The following MORN1 variants were observed in gnomAD, a reference collection of about 807,000 sequenced individuals.
The protein encoded by MORN1 is MORN repeat containing 1, also known as MORN repeat-containing protein 1.
A neutral mutation model predicts 61.9 loss-of-function variants in MORN1; 67 were observed. The observed-to-expected ratio is 1.08, with a 90% CI of 0.89 to 1.33. The LOEUF is 1.33. MORN1 is among the 40% of genes most tolerant of loss of function. The probability of loss-of-function intolerance (pLI) is 0.00; values close to 1 mark genes in which losing one functional copy is unlikely to be tolerated. For missense variants in MORN1, 752 were observed against 691.2 expected, an observed-to-expected ratio of 1.09 and a Z score of -0.99; for synonymous variants, 301 against 292.0, an observed-to-expected ratio of 1.03 and a Z score of -0.31.
intron 10 of MORN1, among the ~76,000 whole-genome samples, chr1:2,354,862 C>G (rs1641725750): frequency 6.6e-6 from 1 of 152,228 alleles, no homozygotes; most frequent in South Asian, 2.1e-4. Context: ...CAGAGCTCGG[C>G]ACCCAACTCC....
Position 2,357,600 on chromosome 1 carries a change from T to C in MORN1, c.870-2A>G, listed in dbSNP as rs562086493. 3 of 1,583,770 alleles carry C rather than the reference T, an allele frequency of 1.9e-6. No homozygotes were observed. In the East Asian group the frequency reaches 6.8e-5, roughly 36 times the overall value. On this transcript the variant is annotated splice_acceptor_variant, in intron 9 of 13. Transcript: ENST00000378531. LOFTEE classifies it high-confidence loss of function. This position sits in a 1 kb window ranked among gnomAD's most constrained non-coding sequence, Gnocchi z 6.3. ...GGATAAGGGATGCATTCGAACCCAC[T>C]GCAAAGGAATGGGGGCAGCTTGGCT...
chr1:2,384,477 G>A (rs1181521693), intron 6 of MORN1, among the ~76,000 whole-genome samples: 3 of 152,232 alleles, frequency 2.0e-5, no homozygotes, highest in African/African-American at 7.2e-5. Flanking sequence ...AGAAACTGCA[G>A]ACACAGGAGA....
chr1:2,355,712 G>A (rs763267706), intron 10 of MORN1, among the ~76,000 whole-genome samples: 28 of 152,236 alleles, frequency 1.8e-4, no homozygotes, highest in Non-Finnish European at 3.8e-4. Context: ...GCTGCAGACA[G>A]TGACCAGGAG....
Position 2,390,008 on chromosome 1 carries a change from G to C in MORN1, c.77-12C>G. ...GTAGACACCATAACCTGAGTATTGA[G>C]AAGACACACACAGGTAAGCACAGAC... On this transcript the variant is annotated splice_polypyrimidine_tract_variant and intron_variant, in intron 1 of 13. Coordinates refer to ENST00000378531, the MANE Select transcript of MORN1 (RefSeq NM_024848.3). 1.2e-6 allele frequency: 2 copies of C among 1,608,210 alleles called. No homozygotes were observed. Among genetic ancestry groups the C allele is most frequent in the Non-Finnish European group, 1.7e-6 (2 of 1,174,702 alleles).
intron 10 of MORN1, among the ~76,000 whole-genome samples, chr1:2,344,798 T>C (rs975238152): frequency 6.6e-6 from 1 of 152,222 alleles, no homozygotes; most frequent in Non-Finnish European, 1.5e-5. Flanking sequence ...AAGCTGGCCA[T>C]GGAGGACCTT....
intron 10 of MORN1, among the ~76,000 whole-genome samples, chr1:2,338,382 T>C (rs1294448869): frequency 6.6e-6 from 1 of 152,210 alleles, no homozygotes; most frequent in East Asian, 1.9e-4. Flanking sequence ...GGCTGGGAGC[T>C]GCACTGCTGA....
At position 2,358,639 on chromosome 1, in the gene MORN1, A is replaced by G; in HGVS notation, c.822T>C (p.Phe274=). ...CTTGGTTGTCTCTGTCCACTTTGAA[A>G]AAGTTGACCTCAGAGTAGGCTGACA... ...VQLSAYSEVN[F]FKVDRDNQET... The change falls in exon 9 of 14, where the codon TTT becomes TTC. Residue 274 remains phenylalanine (F), a synonymous_variant. Coordinates refer to ENST00000378531, the MANE Select transcript of MORN1 (RefSeq NM_024848.3). 6.2e-7 allele frequency: 1 copy of G among 1,614,080 alleles called. No individual in the cohort carries two copies. The highest frequency in any genetic ancestry group is 8.5e-7 in the Non-Finnish European group (1 of 1,180,000).
intron 8 of MORN1, among the ~76,000 whole-genome samples, chr1:2,360,118 C>A (rs1305550253): frequency 6.6e-6 from 1 of 152,172 alleles, no homozygotes; most frequent in Non-Finnish European, 1.5e-5. Context: ...ACGCCCTGCA[C>A]CCCTGGCACT....
chr1:2,321,603 C>T, intron 13 of MORN1, 24 bp from the exon 14 acceptor site: 2 of 1,457,782 alleles, frequency 1.4e-6, no homozygotes, highest in Middle Eastern at 2.0e-4. Context: ...GTGGGCTGGT[C>T]CTCAGCAGGC....
chr1:2,333,894 T>G (rs1199120395), intron 12 of MORN1, among the ~76,000 whole-genome samples: 1 of 146,210 alleles, frequency 6.8e-6, no homozygotes. Context: ...CAGAGCCAGG[T>G]TGGCTGCTGG....
intron 8 of MORN1, among the ~76,000 whole-genome samples, chr1:2,365,876 G>A (rs1435344384): frequency 6.8e-6 from 1 of 147,454 alleles, no homozygotes; most frequent in Non-Finnish European, 1.5e-5. Context: ...TACACTGTTG[G>A]TGGGACTGTA....
chr1:2,343,356 T>TGGGCCCTGTGACAGAGCCGCC (rs1283950994), intron 10 of MORN1, among the ~76,000 whole-genome samples: 3 of 152,138 alleles, frequency 2.0e-5, no homozygotes, highest in Admixed American at 6.5e-5. Context: ...CCAGAGCCGC[T>TGGGCCCTGTGACAGAGCCGCC]GGGCCCTGTG....
chr1:2,327,659 A>G (rs927928935), intron 12 of MORN1, among the ~76,000 whole-genome samples: 2 of 152,246 alleles, frequency 1.3e-5, no homozygotes, highest in Admixed American at 1.3e-4. Flanking sequence ...TTTTAGAAGC[A>G]CAGACAGGAG....
intron 12 of MORN1, among the ~76,000 whole-genome samples, chr1:2,325,115 TTCCTTCCC>T: frequency 1.2e-5 from 1 of 83,292 alleles, no homozygotes; most frequent in Admixed American, 1.2e-4. Context: ...TTTCCTTCCC[TTCCTTCCC>T]TTCCTTCCTT....
chr1:2,322,354 G>A, intron 13 of MORN1: 1 of 985,468 alleles, frequency 1.0e-6, no homozygotes, highest in South Asian at 4.7e-5. Context: ...TGCGGCCGCA[G>A]CTGAAATGGG....
Position 2,321,422 on chromosome 1 carries a change from G to T in MORN1, c.1455C>A (p.Ala485=). The change falls in exon 14 of 14, where the codon GCC becomes GCA. Residue 485 remains alanine, a synonymous_variant. Transcript: ENST00000378531. The stretch of plus-strand genomic sequence containing the variant: ...GCGGCTCTGGGGTGCAGCTGTGGGC[G>T]GCCTGCCAGCTGCTTGAGGCTTCAG... The part of the protein sequence containing the change: ...EGPEASSSWQ[A]AHSCTPEPPA... The T allele has an allele frequency of 6.5e-7, 1 of 1,539,668 alleles. No homozygotes were observed.
intron 8 of MORN1, among the ~76,000 whole-genome samples, chr1:2,360,962 G>T (rs1378486166): frequency 6.6e-6 from 1 of 152,150 alleles, no homozygotes; most frequent in Non-Finnish European, 1.5e-5. Context: ...GACCCAAGAG[G>T]ATTAAACTGT....
intron 10 of MORN1, chr1:2,355,127 C>T: frequency 4.6e-6 from 5 of 1,083,916 alleles, no homozygotes; most frequent in Non-Finnish European, 5.6e-6. Context: ...AGGCTGGTTT[C>T]AATCGAGACT....
chr1:2,322,722 T>G, intron 13 of MORN1: 1 of 985,350 alleles, frequency 1.0e-6, no homozygotes, highest in Non-Finnish European at 1.2e-6. Flanking sequence ...GGTTTCTAGG[T>G]GTTCCCAGGA....
Sources: allele counts gnomAD v4.1 joint callset (sites outside exome capture counted in the v4.1 genomes callset), GRCh38; gene constraint gnomAD v4.1.1; non-coding constraint Gnocchi (gnomAD v3.1); transcripts MANE v1.5; gene names NCBI Gene and HGNC (gene_info 2026-07-23, HGNC 2026-07-21).